The following QRFPR variants were observed in gnomAD, a reference collection of about 807,000 sequenced individuals.
QRFPR encodes the protein pyroglutamylated RF-amide peptide receptor.
QRFPR carries 37 observed loss-of-function variants against 31.3 expected under a neutral mutation model. That is an observed-to-expected ratio of 1.18 (90% CI 0.91 to 1.56). The LOEUF is 1.56. QRFPR is among the 40% of genes most tolerant of loss of function. The probability of loss-of-function intolerance (pLI) is 0.00; values close to 1 mark genes in which losing one functional copy is unlikely to be tolerated. For synonymous variants in QRFPR, 197 were observed against 192.0 expected (o/e 1.03, Z -0.22); for missense variants, 542 against 532.5 (o/e 1.02, Z -0.18).
intron 1 of QRFPR, among the ~76,000 whole-genome samples, chr4:121,345,476 T>C (rs1725626178): frequency 6.6e-6 from 1 of 152,176 alleles, no homozygotes; most frequent in South Asian, 2.1e-4. Context: ...GCTACCTTAT[T>C]CTCTGGAAGG....
intron 1 of QRFPR, among the ~76,000 whole-genome samples, chr4:121,372,422 A>C (rs976665183): frequency 3.9e-5 from 6 of 152,196 alleles, no homozygotes; most frequent in African/African-American, 1.4e-4. Flanking sequence ...TTGTGGTAGA[A>C]TATATCTAAC....
chr4:121,335,912 A>T (rs1725425929), intron 3 of QRFPR, among the ~76,000 whole-genome samples: 1 of 152,140 alleles, frequency 6.6e-6, no homozygotes, highest in Non-Finnish European at 1.5e-5. Context: ...GCATTTTTCC[A>T]GGTAGCAAGG....
chr4:121,369,728 G>T (rs1726196447), intron 1 of QRFPR: 1 of 1,601,508 alleles, frequency 6.2e-7, no homozygotes, highest in East Asian at 2.2e-5. Context: ...AGAGTCCATG[G>T]TGCTAGGATT....
intron 3 of QRFPR, among the ~76,000 whole-genome samples, chr4:121,335,162 A>C (rs906488783): frequency 1.5e-4 from 23 of 152,234 alleles, no homozygotes; most frequent in African/African-American, 5.1e-4. Context: ...ACAATTAATT[A>C]TGTATTTAAA....
chr4:121,364,384 C>A (rs1338636776), intron 1 of QRFPR, among the ~76,000 whole-genome samples: 1 of 150,194 alleles, frequency 6.7e-6, no homozygotes, highest in Non-Finnish European at 1.5e-5. Context: ...CGCCTGTAAT[C>A]CCAGCACTTT....
chr4:121,355,626 C>A (rs1435191976), intron 1 of QRFPR, among the ~76,000 whole-genome samples: 1 of 151,732 alleles, frequency 6.6e-6, no homozygotes, highest in East Asian at 1.9e-4. Context: ...TCTTGTCTTT[C>A]TAGTTCTTTG....
intron 1 of QRFPR, among the ~76,000 whole-genome samples, chr4:121,349,952 A>C (rs1019843808): frequency 1.3e-5 from 2 of 152,240 alleles, no homozygotes; most frequent in Non-Finnish European, 2.9e-5. Context: ...CAATGAAAAT[A>C]GGGCAATCAC....
intron 1 of QRFPR, among the ~76,000 whole-genome samples, chr4:121,366,575 G>GA (rs1423188876): frequency 6.7e-6 from 1 of 149,730 alleles, no homozygotes; most frequent in Non-Finnish European, 1.5e-5. Context: ...GGCCCTTGCT[G>GA]AGGTCACCAG....
chr4:121,350,319 T>G lies in QRFPR; in HGVS notation c.341-9709A>C, dbSNP rs1450301043. On this transcript the variant is annotated intron_variant, in intron 1 of 5. Transcript: ENST00000394427. Reference sequence around the variant, plus strand: ...CAGTCCACCAAGTTCAAGGATAATATTCTTCACTGTATTTGTTTAGTCCCC... The same window carrying G: ...CAGTCCACCAAGTTCAAGGATAATAGTCTTCACTGTATTTGTTTAGTCCCC... Among the ~76,000 whole-genome samples, 5 of 152,204 alleles carry G rather than the reference T, an allele frequency of 3.3e-5. No individual in the cohort carries two copies. In the East Asian group the frequency reaches 9.6e-4, roughly 29 times the overall value.
chr4:121,338,930 T>A (rs1162122013), intron 2 of QRFPR, among the ~76,000 whole-genome samples: 2 of 152,180 alleles, frequency 1.3e-5, no homozygotes, highest in African/African-American at 4.8e-5. Flanking sequence ...TTGCTTTCCA[T>A]CCCCACATGC....
At chr4:121,348,503 C>T (rs1442818865) in intron 1 of QRFPR, among the ~76,000 whole-genome samples, 1 of 152,078 alleles carries the variant, frequency 6.6e-6, no homozygotes, top group East Asian at 1.9e-4. Context: ...AATGACTGCT[C>T]TATAGCTGTC....
At chr4:121,340,664 TC>T (rs1303540660) in intron 1 of QRFPR, 54 bp from the exon 2 acceptor site, 1 of 1,530,744 alleles carries the variant, frequency 6.5e-7, no homozygotes. Context: ...AATAAAGGTT[TC>T]ATCTGTGTCT....
chr4:121,365,111 TTAAG>T (rs1726066898), intron 1 of QRFPR, among the ~76,000 whole-genome samples: 1 of 149,636 alleles, frequency 6.7e-6, no homozygotes, highest in Admixed American at 6.7e-5. Flanking sequence ...TCTAATTATT[TTAAG>T]TAAGTTGAAT....
intron 1 of QRFPR, among the ~76,000 whole-genome samples, chr4:121,365,435 C>A: frequency 9.1e-6 from 1 of 110,198 alleles, no homozygotes; most frequent in African/African-American, 3.5e-5. Context: ...GCCTGGGCAA[C>A]AGAGCGAGAC....
Position 121,329,043 on chromosome 4 carries a change from C to G in QRFPR, c.*271G>C, listed in dbSNP as rs138655937. On this transcript the variant is annotated 3_prime_UTR_variant, in exon 6 of 6. Transcript: ENST00000394427. ...TGCTGGGATTACAGGCATGAGCCAC[C>G]GTGCCTGGCCTTCCATGTTGCTTTT... The G allele has an allele frequency of 1.9e-3, 529 of 275,890 alleles. 1 individual carries two copies. Among genetic ancestry groups the G allele is most frequent in the Non-Finnish European group, 3.0e-3 (443 of 149,146 alleles). The allele number at this position is 275,890 out of a possible 1,614,324, so 17.1% of individuals were successfully genotyped here.
At chr4:121,352,474 A>G (rs566674968) in intron 1 of QRFPR, among the ~76,000 whole-genome samples, 1 of 152,228 alleles carries the variant, frequency 6.6e-6, no homozygotes, top group East Asian at 1.9e-4. Context: ...AAAAGTAAGG[A>G]AAACCTCAGA....
At chr4:121,334,347 A>G (rs1725393706) in intron 3 of QRFPR, 3 of 154,908 alleles carry the variant, frequency 1.9e-5, no homozygotes, top group Non-Finnish European at 4.4e-5. Context: ...ATTTCCAAAC[A>G]TACACTTCTC....
chr4:121,330,796 A>G lies in QRFPR; in HGVS notation c.798-273T>C, dbSNP rs4434276. On this transcript the variant is annotated intron_variant, in intron 4 of 5. Transcript: ENST00000394427. ...ATTAATTTACCCAATAAGGCATTTG[A>G]TAGATGCAGAAATTGAGACACACAG... is the stretch of plus-strand genomic sequence containing the variant. Among the ~76,000 whole-genome samples, 3 of 152,166 alleles carry G rather than the reference A, an allele frequency of 2.0e-5. No homozygotes were observed. The South Asian group carries it at 6.2e-4, about 32-fold the overall frequency.
Position 121,329,112 on chromosome 4 carries a change from GA to G in QRFPR, c.*201del. 1 of 473,938 alleles carries G rather than the reference GA, an allele frequency of 2.1e-6. No individual in the cohort carries two copies. Among genetic ancestry groups the G allele is most frequent in the Non-Finnish European group, 3.6e-6 (1 of 275,160 alleles). The allele number at this position is 473,938 out of a possible 1,614,324, so 29.4% of individuals were successfully genotyped here. ...AGCAGTGGGAATGAGAAGGAACACA[GA>G]AATCTGTTAAATGATTGTGATCAAT... On this transcript the variant is annotated 3_prime_UTR_variant, in exon 6 of 6. Transcript: ENST00000394427.
Sources: gnomAD v4.1 joint callset for allele counts (sites outside exome capture counted in the v4.1 genomes callset) on GRCh38, gnomAD v4.1.1 for gene constraint, MANE v1.5 for transcripts, NCBI Gene and HGNC (gene_info 2026-07-23, HGNC 2026-07-21) for gene names.